The following C18orf32 variants were observed in gnomAD, a reference collection of about 807,000 sequenced individuals.
The protein encoded by C18orf32 is UPF0729 protein C18orf32.
In C18orf32, 5 loss-of-function variants were observed where a neutral mutation model predicts 7.4. The observed-to-expected ratio is 0.68, with a 90% CI of 0.35 to 1.42. C18orf32 has a LOEUF of 1.42. Ranked by LOEUF, C18orf32 falls within the 40% of genes most tolerant of loss-of-function variation. The probability of loss-of-function intolerance (pLI) is 0.04; values close to 1 mark genes in which losing one functional copy is unlikely to be tolerated. For synonymous variants in C18orf32, 30 were observed against 29.3 expected, an observed-to-expected ratio of 1.02 and a Z score of -0.08; for missense variants, 88 against 92.4, an observed-to-expected ratio of 0.95 and a Z score of 0.19.
In C18orf32 at chr18:49,477,942, T is replaced by TATAC. The variant is rs1173116588; in HGVS notation, c.*4402_*4403insGTAT. The stretch of plus-strand genomic sequence containing the variant: ...TATATATACACACTATATATATATA[T>TATAC]ACACTATATATATATGTAGCTGTGA... On this transcript the variant is annotated 3_prime_UTR_variant, in exon 3 of 3. Coordinates refer to ENST00000318240, the MANE Select transcript of C18orf32 (RefSeq NM_001035005.4). The TATAC allele has an allele frequency of 1.5e-3, 203 of 131,594 alleles. 21 individuals are homozygous for TATAC. Among genetic ancestry groups the TATAC allele is most frequent in the African/African-American group, 6.2e-3 (191 of 30,942 alleles). The allele number at this position is 131,594 out of a possible 1,614,324, so 8.2% of individuals were successfully genotyped here. A position where few individuals can be genotyped will look rare whatever the true frequency, so the allele number is the denominator to read the frequency against.
At position 49,483,661 on chromosome 18, in the gene C18orf32, G is replaced by A; in HGVS notation, c.88C>T (p.Pro30Ser). Reference sequence around the variant, plus strand: ...TTAGGCCATATACGACTAACGAAGGGGGAAACCAGAGGGTATATATATGGC... The same window carrying A: ...TTAGGCCATATACGACTAACGAAGGAGGAAACCAGAGGGTATATATATGGC... ...LEPYIYPLVS[P>S]FVSRIWPKKA... The change falls in exon 2 of 3, where the codon CCC becomes TCC. Residue 30 changes from proline to serine, a missense_variant. By Grantham distance (74) the Pro-to-Ser change is moderately conservative. Transcript: ENST00000318240. 1 of 1,613,724 alleles carries A rather than the reference G, an allele frequency of 6.2e-7. No individual in the cohort carries two copies. Among genetic ancestry groups the A allele is most frequent in the Non-Finnish European group, 8.5e-7 (1 of 1,179,956 alleles).
chr18:49,482,850 G>A (rs2083681031), intron 2 of C18orf32, among the ~76,000 whole-genome samples: 1 of 147,680 alleles, frequency 6.8e-6, no homozygotes, highest in Non-Finnish European at 1.5e-5. Context: ...CCAGGCTGGA[G>A]TGCAATGATG....
intron 1 of C18orf32, among the ~76,000 whole-genome samples, chr18:49,484,150 ATATATATATATAT>A (rs1568495846): frequency 0.22 from 11,230 of 51,508 alleles, 946 homozygotes; most frequent in African/African-American, 0.32. Context: ...AAAAAAAAAT[ATATATATATATAT>A]ATATACACAC....
At chr18:49,484,941 C>G (rs2083718512) in intron 1 of C18orf32, 1 of 151,602 alleles carries the variant, frequency 6.6e-6, no homozygotes, top group South Asian at 2.1e-4. Flanking sequence ...AATTAGCCAG[C>G]CATGGTGGAG....
intron 1 of C18orf32, chr18:49,486,284 C>T (rs1290558956): frequency 6.6e-6 from 1 of 152,064 alleles, no homozygotes; most frequent in African/African-American, 2.4e-5. Flanking sequence ...CCCTTCAAAA[C>T]AACTGACAAT....
rs1365982809 is a variant in C18orf32, at chr18:49,484,120, C to T, written c.-23-349G>A. Among the ~76,000 whole-genome samples, 30 of 118,586 alleles carry T rather than the reference C, an allele frequency of 2.5e-4. 1 individual carries two copies. In the Admixed American group the frequency reaches 2.9e-3, roughly 11 times the overall value. 77.8% of individuals were successfully genotyped at this position (118,586 alleles called of 152,430 possible). On this transcript the variant is annotated intron_variant, in intron 1 of 2. Transcript: ENST00000318240. ...CTCCAGCCTGGATGACACAGAGACA[C>T]TTTGTCTCAAAAAAAGAAAAAAAAA...
Position 49,487,214 on chromosome 18 carries a change from C to A in C18orf32, c.-195G>T, listed in dbSNP as rs2083771979. 1 of 152,912 alleles carries A rather than the reference C, an allele frequency of 6.5e-6. No homozygotes were observed. The highest frequency in any genetic ancestry group is 6.5e-5 in the Admixed American group (1 of 15,300). 9.5% of individuals were successfully genotyped at this position (152,912 alleles called of 1,614,324 possible). On this transcript the variant is annotated 5_prime_UTR_variant, in exon 1 of 3. Transcript: ENST00000318240. The stretch of plus-strand genomic sequence containing the variant: ...TAGCCCGGGCACACTCACCCGCGAC[C>A]GCGGAAACGCAGCTGACAATGTCCG...
At position 49,482,213 on chromosome 18, in the gene C18orf32, G is replaced by C; in HGVS notation, c.*132C>G. The C allele has an allele frequency of 1.4e-6, 1 of 708,724 alleles. No homozygotes were observed. The highest frequency in any genetic ancestry group is 2.5e-6 in the Non-Finnish European group (1 of 396,740). The allele number at this position is 708,724 out of a possible 1,614,324, so 43.9% of individuals were successfully genotyped here. A position where few individuals can be genotyped will look rare whatever the true frequency, so the allele number is the denominator to read the frequency against. On this transcript the variant is annotated 3_prime_UTR_variant, in exon 3 of 3. Coordinates refer to ENST00000318240, the MANE Select transcript of C18orf32 (RefSeq NM_001035005.4). ...ACGGATATCATATATTTCCTGATTA[G>C]TATCAGGTAAATATCTAGACTCCTA...
Position 49,481,804 on chromosome 18 carries a change from T to C in C18orf32, c.*541A>G, listed in dbSNP as rs1440650037. 6.6e-6 allele frequency: 1 copy of C among 152,338 alleles called. No homozygotes were observed. The highest frequency in any genetic ancestry group is 2.4e-5 in the African/African-American group (1 of 41,464). The allele number at this position is 152,338 out of a possible 1,614,324, so 9.4% of individuals were successfully genotyped here. On this transcript the variant is annotated 3_prime_UTR_variant, in exon 3 of 3. Coordinates refer to ENST00000318240, the MANE Select transcript of C18orf32 (RefSeq NM_001035005.4). ...TTCCCTATCTTTTTTTAATCTTCCT[T>C]AGAGCAATAAATAGTAATTACTATA...
At chr18:49,485,387 C>G (rs916623719) in intron 1 of C18orf32, among the ~76,000 whole-genome samples, 3 of 151,932 alleles carry the variant, frequency 2.0e-5, no homozygotes, top group Non-Finnish European at 4.4e-5. Context: ...AACCCTGTCT[C>G]TACTAAAAAT....
intron 2 of C18orf32, among the ~76,000 whole-genome samples, chr18:49,483,262 T>G (rs1234294063): frequency 9.2e-5 from 13 of 141,266 alleles, no homozygotes; most frequent in Admixed American, 9.0e-4. Flanking sequence ...AAAAAAATTG[T>G]TTTTTTTTTA....
In C18orf32 at chr18:49,477,451, T is replaced by C. The variant is rs1387527749; in HGVS notation, c.*4894A>G. ...CTCACCCTCTCCATTTCTGCCTAAT[T>C]ATTCCCAATAAGGTATTACTAACAA... On this transcript the variant is annotated 3_prime_UTR_variant, in exon 3 of 3. Transcript: ENST00000318240. 2.0e-5 allele frequency: 3 copies of C among 150,072 alleles called. No homozygotes were observed. Among genetic ancestry groups the C allele is most frequent in the African/African-American group, 7.6e-5 (3 of 39,494 alleles). 9.3% of individuals were successfully genotyped at this position (150,072 alleles called of 1,614,324 possible).
Position 49,482,375 on chromosome 18 carries a change from T to C in C18orf32, c.201A>G (p.Pro67=). The C allele has an allele frequency of 6.2e-7, 1 of 1,613,170 alleles. No individual in the cohort carries two copies. The highest frequency in any genetic ancestry group is 1.6e-4 in the Middle Eastern group (1 of 6,062). ...CTTTCTTTTTATCACAGATTTCTGT[T>C]GGTCCTTTTGTTGGTAATCCATTCA... ...ADMNGLPTKG[P]TEICDKKKD is the part of the protein sequence containing the mutation. The change falls in exon 3 of 3, where the codon CCA becomes CCG. Residue 67 remains proline, a synonymous_variant. Transcript: ENST00000318240.
intron 1 of C18orf32, among the ~76,000 whole-genome samples, chr18:49,485,415 G>A (rs1262792083): frequency 6.6e-6 from 1 of 151,960 alleles, no homozygotes; most frequent in Non-Finnish European, 1.5e-5. Flanking sequence ...TTAGCTGGGC[G>A]TGGTGGTGGG....
At chr18:49,482,983 G>C (rs1260277794) in intron 2 of C18orf32, among the ~76,000 whole-genome samples, 1 of 151,972 alleles carries the variant, frequency 6.6e-6, no homozygotes, top group Non-Finnish European at 1.5e-5. Context: ...ATTTTTAGTA[G>C]AAACAGGATT....
rs2083638001 is a variant in C18orf32, at chr18:49,478,749, AAC to A, written c.*3594_*3595del. 1 of 150,556 alleles carries A rather than the reference AAC, an allele frequency of 6.6e-6. No homozygotes were observed. The highest frequency in any genetic ancestry group is 2.5e-5 in the African/African-American group (1 of 39,846). The allele number at this position is 150,556 out of a possible 1,614,324, so 9.3% of individuals were successfully genotyped here. ...GCAAAGAAACATTTGTGTGGTATCA[AAC>A]AGTGGCTACCAACTCCAGCCCATGG... On this transcript the variant is annotated 3_prime_UTR_variant, in exon 3 of 3. Coordinates refer to ENST00000318240, the MANE Select transcript of C18orf32 (RefSeq NM_001035005.4).
intron 1 of C18orf32, among the ~76,000 whole-genome samples, 187 bp from the exon 2 acceptor site, chr18:49,483,958 T>C (rs1026895797): frequency 1.3e-5 from 2 of 151,276 alleles, no homozygotes; most frequent in South Asian, 4.2e-4. Context: ...AAGTGAGACC[T>C]TGTCTCTACA....
At chr18:49,482,737 CAA>C (rs11454919) in intron 2 of C18orf32, among the ~76,000 whole-genome samples, 1 of 122,400 alleles carries the variant, frequency 8.2e-6, no homozygotes, top group Non-Finnish European at 1.7e-5. Context: ...AAAACAAAAA[CAA>C]AAAAAAAAAA....
intron 1 of C18orf32, among the ~76,000 whole-genome samples, chr18:49,485,222 T>C (rs1461634950): frequency 6.6e-6 from 1 of 152,184 alleles, no homozygotes; most frequent in Admixed American, 6.5e-5. Context: ...CAAATCTGAA[T>C]GTCTTTGAAA....
Sources: gnomAD v4.1 joint callset for allele counts (sites outside exome capture counted in the v4.1 genomes callset) on GRCh38, gnomAD v4.1.1 for gene constraint, MANE v1.5 for transcripts, NCBI Gene and HGNC (gene_info 2026-07-23, HGNC 2026-07-21) for gene names.